TTC6: variants seen among roughly 807,000 people sequenced by gnomAD.
TTC6 encodes the protein tetratricopeptide repeat domain 6.
In TTC6, 172 loss-of-function variants were observed where a neutral mutation model predicts 210.4. The ratio of observed to expected loss-of-function variants is 0.82; its 90% confidence interval spans 0.72 to 0.93. The LOEUF is 0.93. Ranked by LOEUF, TTC6 falls within the 40% of genes least tolerant of loss-of-function variation. The pLI, the probability that TTC6 is intolerant of heterozygous loss-of-function variation, is 0.00. For synonymous variants in TTC6, 804 were observed against 819.6 expected (o/e 0.98, Z 0.32); for missense variants, 2,414 against 2,318.1 (o/e 1.04, Z -0.85).
At chr14:37,612,367 A>C (rs188758616) in intron 2 of TTC6, among the ~76,000 whole-genome samples, 2 of 152,292 alleles carry the variant, frequency 1.3e-5, no homozygotes, top group East Asian at 3.9e-4. Flanking sequence ...TGGCATAATG[A>C]TTTGCCATGA....
intron 1 of TTC6, among the ~76,000 whole-genome samples, chr14:37,666,460 A>AG (rs2095748323): frequency 6.7e-6 from 1 of 149,496 alleles, no homozygotes; most frequent in South Asian, 2.1e-4. Flanking sequence ...AAAAAAAAAA[A>AG]AAGATGAAAG....
chr14:37,652,691 A>G (rs997928221), intron 1 of TTC6, among the ~76,000 whole-genome samples: 4 of 152,166 alleles, frequency 2.6e-5, no homozygotes, highest in Non-Finnish European at 5.9e-5. Flanking sequence ...ATGCCTTTAT[A>G]TTCTAAATCA....
At chr14:37,651,409 ATATATATATATATATATTTTTTTTT>A (rs1349322934) in intron 1 of TTC6, among the ~76,000 whole-genome samples, 60 of 19,342 alleles carry the variant, frequency 3.1e-3, no homozygotes, top group African/African-American at 0.011. Context: ...ATATATATAT[ATATATATATATATATATTTTTTTTT>A]TTTTTTTTTT....
At position 37,787,883 on chromosome 14, in the gene TTC6, GTGTGTC is replaced by G. The variant is rs1364468376; in HGVS notation, c.3436+252_3436+257del. ...TTTCTAATATGCCCTTTATGTGTGT[GTGTGTC>G]TGTGTGTGTGTGTGTGTGTGTGTGT... On this transcript the variant is annotated intron_variant, in intron 15 of 30. Coordinates refer to ENST00000553443, the Ensembl canonical transcript of TTC6. Among the ~76,000 whole-genome samples, 6 of 87,800 alleles carry G rather than the reference GTGTGTC, an allele frequency of 6.8e-5. No homozygotes were observed. In the East Asian group the frequency reaches 2.0e-3, roughly 29 times the overall value. The allele number at this position is 87,800 out of a possible 152,430, so 57.6% of individuals were successfully genotyped here. A position where few individuals can be genotyped will look rare whatever the true frequency, so the allele number is the denominator to read the frequency against.
intron 26 of TTC6, 101 bp from the exon 29 acceptor site, chr14:37,823,646 A>G: frequency 9.4e-7 from 1 of 1,065,710 alleles, no homozygotes; most frequent in Non-Finnish European, 1.4e-6. Flanking sequence ...TAATGAGTCA[A>G]TTCAAATCTT....
chr14:37,666,826 G>C (rs562620085), intron 1 of TTC6, among the ~76,000 whole-genome samples: 2 of 150,214 alleles, frequency 1.3e-5, no homozygotes, highest in East Asian at 3.9e-4. Context: ...ACTGTGGGCT[G>C]GGACCAGGGA....
intron 20 of TTC6, chr14:37,802,520 T>C (rs1348084918): frequency 6.6e-6 from 1 of 152,038 alleles, no homozygotes; most frequent in Non-Finnish European, 1.5e-5. Flanking sequence ...AGAATGTAGC[T>C]CAACCGACAC....
intron 29 of TTC6, among the ~76,000 whole-genome samples, chr14:37,840,021 A>C (rs1952779): frequency 0.78 from 119,098 of 152,050 alleles, 50,763 homozygotes; most frequent in Non-Finnish European, 0.94. Flanking sequence ...CTGTTTTGGT[A>C]CCAGTACCAT....
chr14:37,834,177 G>T (rs1368802312), intron 29 of TTC6, among the ~76,000 whole-genome samples: 1 of 152,052 alleles, frequency 6.6e-6, no homozygotes, highest in African/African-American at 2.4e-5. Context: ...GGGCCTTTTT[G>T]GGTTGAATCT....
At chr14:37,694,981 C>A (rs2138641884) in intron 3 of TTC6, among the ~76,000 whole-genome samples, 1 of 140,628 alleles carries the variant, frequency 7.1e-6, no homozygotes, top group Non-Finnish European at 1.5e-5. Context: ...GTTGAGGCTG[C>A]AGTGCATTGT....
At chr14:37,806,983 T>C (rs2096119763) in intron 22 of TTC6, among the ~76,000 whole-genome samples, 2 of 152,314 alleles carry the variant, frequency 1.3e-5, no homozygotes, top group Admixed American at 1.3e-4. Flanking sequence ...AGTGTGGTTA[T>C]GTACGAGAAT....
At chr14:37,641,549 A>T (rs1173781817) in intron 1 of TTC6, among the ~76,000 whole-genome samples, 1 of 152,218 alleles carries the variant, frequency 6.6e-6, no homozygotes, top group Non-Finnish European at 1.5e-5. Flanking sequence ...ATTGCTAAGG[A>T]TGCTGAATCT....
At chr14:37,763,202 T>C (rs944730299) in intron 14 of TTC6, among the ~76,000 whole-genome samples, 1 of 152,136 alleles carries the variant, frequency 6.6e-6, no homozygotes, top group Non-Finnish European at 1.5e-5. Flanking sequence ...ATCTTTCTTT[T>C]AATATACTGT....
chr14:37,723,295 A>C (rs1395398778), intron 6 of TTC6, among the ~76,000 whole-genome samples: 1 of 152,152 alleles, frequency 6.6e-6, no homozygotes, highest in Non-Finnish European at 1.5e-5. Flanking sequence ...AAAAACTAAG[A>C]TCCAGGCAGT....
At chr14:37,729,448 A>G (rs1041638291) in intron 7 of TTC6, among the ~76,000 whole-genome samples, 3 of 152,174 alleles carry the variant, frequency 2.0e-5, no homozygotes, top group South Asian at 2.1e-4. Flanking sequence ...CAGACCTAAC[A>G]TGGCATTTGC....
chr14:37,829,983 C>T (rs2096180767), intron 29 of TTC6, among the ~76,000 whole-genome samples: 1 of 152,064 alleles, frequency 6.6e-6, no homozygotes, highest in Admixed American at 6.6e-5. Flanking sequence ...TTGCCAAACT[C>T]CCCTTCCCCA....
At chr14:37,674,574 C>T (rs942484227) in intron 1 of TTC6, among the ~76,000 whole-genome samples, 6 of 152,178 alleles carry the variant, frequency 3.9e-5, no homozygotes, top group African/African-American at 1.4e-4. Flanking sequence ...GAATAATTTG[C>T]TTGAGAATGT....
At chr14:37,830,938 A>C (rs141131700) in intron 29 of TTC6, among the ~76,000 whole-genome samples, 1 of 152,122 alleles carries the variant, frequency 6.6e-6, no homozygotes, top group African/African-American at 2.4e-5. Flanking sequence ...TATGATGAGA[A>C]TATTTCAAAT....
chr14:37,749,773 T>C, exon 12 of TTC6: 1 of 1,466,664 alleles, frequency 6.8e-7, no homozygotes, highest in African/African-American at 1.4e-5. Flanking sequence ...TAATTTATCT[T>C]TTCCAAGACA....
Sources: allele counts gnomAD v4.1 joint callset (sites outside exome capture counted in the v4.1 genomes callset), GRCh38; gene constraint gnomAD v4.1.1; transcripts MANE v1.5; gene names NCBI Gene and HGNC (gene_info 2026-07-23, HGNC 2026-07-21).